Variants in TPTE2 observed in about 807,000 individuals in gnomAD.
TPTE2 encodes the protein phosphatidylinositol 3,4,5-trisphosphate 3-phosphatase TPTE2.
Under a neutral mutation model 78.6 loss-of-function variants are expected in TPTE2, and 53 were observed. That is an observed-to-expected ratio of 0.67 (90% CI 0.54 to 0.85). The LOEUF (loss-of-function observed/expected upper bound fraction) is 0.85. TPTE2 is among the 40% of genes least tolerant of loss of function. The probability of loss-of-function intolerance (pLI) is 0.00; values close to 1 mark genes in which losing one functional copy is unlikely to be tolerated. For synonymous variants in TPTE2, 175 were observed against 206.2 expected (o/e 0.85, Z 1.30); for missense variants, 461 against 623.0 (o/e 0.74, Z 2.77).
intron 1 of TPTE2, 100 bp from the exon 5 acceptor site, chr13:19,493,601 T>C (rs1401666629): frequency 9.6e-7 from 1 of 1,041,146 alleles, no homozygotes; most frequent in Non-Finnish European, 1.5e-6. Flanking sequence ...AACCAATTAA[T>C]TTCTGACTAT....
chr13:19,427,983 G>A (rs896868623), intron 17 of TPTE2, among the ~76,000 whole-genome samples: 25 of 152,332 alleles, frequency 1.6e-4, no homozygotes, highest in African/African-American at 5.8e-4. Flanking sequence ...GACTGGGTGT[G>A]CTGTTATGTA....
At chr13:19,432,566 C>T (rs757915385) in exon 16 of TPTE2, 1 of 1,596,562 alleles carries the variant, frequency 6.3e-7, no homozygotes, top group South Asian at 1.1e-5. Flanking sequence ...GCAAAATATC[C>T]AACATATCTA....
intron 1 of TPTE2, among the ~76,000 whole-genome samples, chr13:19,517,518 C>T (rs1869877058): frequency 6.6e-6 from 1 of 152,124 alleles, no homozygotes; most frequent in African/African-American, 2.4e-5. Flanking sequence ...TGTCTATGGG[C>T]CCCAGAGACC....
chr13:19,555,228 C>T, the TPTE2 span, among the ~76,000 whole-genome samples: 1 of 152,148 alleles, frequency 6.6e-6, no homozygotes, highest in African/African-American at 2.4e-5. Flanking sequence ...TCCAGTTCTA[C>T]ACAACACCAA....
chr13:19,508,126 T>C (rs1307218298), upstream of TPTE2, among the ~76,000 whole-genome samples: 2 of 152,148 alleles, frequency 1.3e-5, no homozygotes, highest in African/African-American at 2.4e-5. Context: ...AGACTGACTA[T>C]ATAATTCCTG....
In TPTE2 at chr13:19,467,021, C is replaced by T. The variant is rs538804201; in HGVS notation, c.512+204G>A. On this transcript the variant is annotated intron_variant, in intron 7 of 19. Transcript: ENST00000400230. ...TCTTTATTCCATTAATGGTACTTAG[C>T]GTGTATATTCTTCACTGGTCCCTAA... Among the ~76,000 whole-genome samples the T allele has an allele frequency of 1.7e-4, 26 of 152,116 alleles. 1 individual carries two copies. In the South Asian group the frequency reaches 2.7e-3, roughly 16 times the overall value.
the TPTE2 span, chr13:19,560,902 G>C: frequency 6.3e-7 from 1 of 1,584,506 alleles, no homozygotes; most frequent in African/African-American, 1.3e-5. Flanking sequence ...TCTCACACTC[G>C]TTGGAGGCCA....
intron 3 of TPTE2, among the ~76,000 whole-genome samples, chr13:19,484,109 A>G (rs946994816): frequency 1.3e-5 from 2 of 152,168 alleles, no homozygotes; most frequent in Non-Finnish European, 2.9e-5. Context: ...AGCTAAAAAC[A>G]TACTTCTCAA....
chr13:19,454,058 T>C (rs574323267), intron 10 of TPTE2, among the ~76,000 whole-genome samples: 35 of 152,288 alleles, frequency 2.3e-4, no homozygotes, highest in Middle Eastern at 3.4e-3. Flanking sequence ...TTGCATGAGG[T>C]GGTAGCAGTG....
chr13:19,440,803 C>T (rs1404004666), intron 13 of TPTE2, among the ~76,000 whole-genome samples: 2 of 150,342 alleles, frequency 1.3e-5, no homozygotes, highest in African/African-American at 2.4e-5. Context: ...AAACAAAAAA[C>T]AGGCTGGGCA....
chr13:19,458,842 G>A (rs1239571555), intron 10 of TPTE2: 1 of 322,746 alleles, frequency 3.1e-6, no homozygotes, highest in African/African-American at 2.2e-5. Context: ...TTGATTCCAT[G>A]TCTTTACTAT....
chr13:19,440,855 G>A (rs911258815), intron 13 of TPTE2, among the ~76,000 whole-genome samples: 3 of 152,084 alleles, frequency 2.0e-5, no homozygotes, highest in Admixed American at 6.6e-5. Flanking sequence ...GGGAGGCTGG[G>A]GTGGGTGGAT....
rs529177093 is a variant in TPTE2, at chr13:19,451,953, G to A, written c.742-728C>T. ...CAGTAAATATATCTTTCTGAAACAT[G>A]CACACACATACGTATATATCTCTGT... On this transcript the variant is annotated intron_variant, in intron 10 of 19. Coordinates refer to ENST00000400230, the Ensembl canonical transcript of TPTE2. Among the ~76,000 whole-genome samples, 4 of 151,770 alleles carry A rather than the reference G, an allele frequency of 2.6e-5. No individual in the cohort carries two copies. The East Asian group carries it at 7.8e-4, about 29-fold the overall frequency.
exon 16 of TPTE2, chr13:19,432,570 A>G (rs374891342): frequency 8.8e-6 from 14 of 1,597,042 alleles, no homozygotes; most frequent in Middle Eastern, 4.5e-4. Context: ...AATATCCAAC[A>G]TATCTATTCT....
At chr13:19,556,278 A>C in the TPTE2 span, among the ~76,000 whole-genome samples, 3 of 152,210 alleles carry the variant, frequency 2.0e-5, no homozygotes. Flanking sequence ...AAATGAACAA[A>C]CACTGAATTA....
At chr13:19,544,363 T>A in the TPTE2 span, among the ~76,000 whole-genome samples, 1 of 152,134 alleles carries the variant, frequency 6.6e-6, no homozygotes, top group Admixed American at 6.6e-5. Flanking sequence ...TCTTTTTAAC[T>A]TAGAATGCTC....
In TPTE2 at chr13:19,450,355, T is replaced by A; in HGVS notation, c.803-11A>T. 6.2e-7 allele frequency: 1 copy of A among 1,603,330 alleles called. No homozygotes were observed. The highest frequency in any genetic ancestry group is 8.5e-7 in the Non-Finnish European group (1 of 1,172,802). ...CATAAGCTCTTTCACCTAAAATAAATAATATGTATGTCATATCTCTATAGG... is the reference window on the plus strand; with the variant it reads ...CATAAGCTCTTTCACCTAAAATAAAAAATATGTATGTCATATCTCTATAGG... On this transcript the variant is annotated splice_polypyrimidine_tract_variant and intron_variant, in intron 11 of 19. Transcript: ENST00000400230.
At chr13:19,448,432 T>C (rs1176045480) in intron 13 of TPTE2, among the ~76,000 whole-genome samples, 1 of 152,068 alleles carries the variant, frequency 6.6e-6, no homozygotes, top group Non-Finnish European at 1.5e-5. Flanking sequence ...CATTCGATAA[T>C]AGGTTAACAG....
intron 9 of TPTE2, 131 bp from the exon 13 acceptor site, chr13:19,464,651 G>A: frequency 2.3e-6 from 2 of 878,576 alleles, no homozygotes; most frequent in Non-Finnish European, 3.5e-6. Flanking sequence ...TGACAGAAAA[G>A]AGCTAATACT....
Sources: gnomAD v4.1 joint callset for allele counts (sites outside exome capture counted in the v4.1 genomes callset) on GRCh38, gnomAD v4.1.1 for gene constraint, MANE v1.5 for transcripts, NCBI Gene and HGNC (gene_info 2026-07-23, HGNC 2026-07-21) for gene names.